Variants in LARP4 observed in about 807,000 individuals in gnomAD.
The protein encoded by LARP4 is La ribonucleoprotein 4, also known as la-related protein 4.
In LARP4, 29 loss-of-function variants were observed where a neutral mutation model predicts 92.9. The observed-to-expected ratio is 0.31, with a 90% CI of 0.23 to 0.43. LARP4 has a LOEUF of 0.43. LARP4 is among the 20% of genes least tolerant of loss of function. LARP4 has a pLI of 1.00. For missense variants in LARP4, 732 were observed against 860.0 expected, an observed-to-expected ratio of 0.85 and a Z score of 1.86; for synonymous variants, 279 against 284.1, an observed-to-expected ratio of 0.98 and a Z score of 0.18.
rs934221965 is a variant in LARP4, at chr12:50,412,330, G to A, written c.18+11302G>A. 5 of 493,556 alleles carry A rather than the reference G, an allele frequency of 1.0e-5. No individual in the cohort carries two copies. The African/African-American group carries it at 1.0e-4, about 10-fold the overall frequency. The allele number at this position is 493,556 out of a possible 1,614,324, so 30.6% of individuals were successfully genotyped here. A position where few individuals can be genotyped will look rare whatever the true frequency, so the allele number is the denominator to read the frequency against. On this transcript the variant is annotated intron_variant, in intron 1 of 15. Coordinates refer to ENST00000398473, the MANE Select transcript of LARP4 (RefSeq NM_052879.5). ...TAGTAGCCCTCTCAGTATTGGAGATGTAAAAATTGAACCTGGATGATTGAT... is the reference window on the plus strand; with the variant it reads ...TAGTAGCCCTCTCAGTATTGGAGATATAAAAATTGAACCTGGATGATTGAT...
chr12:50,402,509 GAAGA>G (rs1487223325), intron 1 of LARP4, among the ~76,000 whole-genome samples: 6 of 152,262 alleles, frequency 3.9e-5, no homozygotes, highest in Middle Eastern at 3.4e-3. Context: ...TTGCTGGGCA[GAAGA>G]AAGATTGTGA....
intron 7 of LARP4, among the ~76,000 whole-genome samples, chr12:50,440,757 G>T (rs1433404739): frequency 6.6e-6 from 1 of 152,024 alleles, no homozygotes; most frequent in Non-Finnish European, 1.5e-5. Context: ...GTTTTCTGTC[G>T]ATAAGAATAT....
At chr12:50,415,168 A>C (rs1436603090) in intron 1 of LARP4, among the ~76,000 whole-genome samples, 1 of 152,182 alleles carries the variant, frequency 6.6e-6, no homozygotes, top group Non-Finnish European at 1.5e-5. Context: ...GTGCCATTGC[A>C]TTACCAGCCT....
intron 5 of LARP4, among the ~76,000 whole-genome samples, chr12:50,436,602 G>A (rs963451212): frequency 1.1e-4 from 16 of 152,132 alleles, no homozygotes; most frequent in African/African-American, 3.6e-4. Context: ...GACAAATACT[G>A]CTCTGAAGTT....
At chr12:50,418,237 G>T (rs1033031680) in intron 1 of LARP4, among the ~76,000 whole-genome samples, 2 of 152,118 alleles carry the variant, frequency 1.3e-5, no homozygotes, top group Non-Finnish European at 1.5e-5. Context: ...CTGACCTCAA[G>T]TGGATCCACC....
At chr12:50,457,812 C>CAAAAA (rs10639447) in intron 10 of LARP4, among the ~76,000 whole-genome samples, 13 of 144,952 alleles carry the variant, frequency 9.0e-5, no homozygotes, top group East Asian at 2.0e-4. Context: ...AGACCTTTCT[C>CAAAAA]AAAAAAAAAA....
intron 8 of LARP4, among the ~76,000 whole-genome samples, chr12:50,442,592 T>G (rs983679216): frequency 1.3e-5 from 2 of 152,200 alleles, no homozygotes; most frequent in Non-Finnish European, 2.9e-5. Flanking sequence ...TGTGCTATAG[T>G]TATTCTTATT....
chr12:50,401,127 C>A, intron 1 of LARP4, 99 bp downstream of exon 1: 1 of 1,379,804 alleles, frequency 7.2e-7, no homozygotes, highest in Non-Finnish European at 1.0e-6. Flanking sequence ...GCCGTACACG[C>A]CGCGGAACCG....
intron 13 of LARP4, among the ~76,000 whole-genome samples, chr12:50,469,054 A>G (rs1956561209): frequency 6.6e-6 from 1 of 151,898 alleles, no homozygotes; most frequent in Non-Finnish European, 1.5e-5. Context: ...AGGGTGGTTC[A>G]TATCTTCCAT....
Position 50,479,651 on chromosome 12 carries a change from G to A in LARP4, c.*3787G>A, listed in dbSNP as rs1957757111. Reference sequence around the variant, plus strand: ...ATCTTCGAGTTGACAGTTCCTAAAAGCGTAACTCAGATATTAATGGGCTGT... The same window carrying A: ...ATCTTCGAGTTGACAGTTCCTAAAAACGTAACTCAGATATTAATGGGCTGT... On this transcript the variant is annotated 3_prime_UTR_variant, in exon 16 of 16. Coordinates refer to ENST00000398473, the MANE Select transcript of LARP4 (RefSeq NM_052879.5). 1 of 152,176 alleles carries A rather than the reference G, an allele frequency of 6.6e-6. No individual in the cohort carries two copies. 9.4% of individuals were successfully genotyped at this position (152,176 alleles called of 1,614,324 possible).
chr12:50,439,775 A>AT (rs916947293), intron 6 of LARP4, among the ~76,000 whole-genome samples: 45 of 148,862 alleles, frequency 3.0e-4, no homozygotes, highest in Middle Eastern at 3.5e-3. Context: ...TGTTCACTTA[A>AT]TTTTTTTTTT....
chr12:50,409,794 T>C (rs1436826287), intron 1 of LARP4, among the ~76,000 whole-genome samples: 1 of 150,710 alleles, frequency 6.6e-6, no homozygotes, highest in Non-Finnish European at 1.5e-5. Context: ...AAAAGAATTA[T>C]TATTATTATT....
chr12:50,453,649 A>G lies in LARP4; in HGVS notation c.994A>G (p.Thr332Ala), dbSNP rs375407142. 9.3e-6 allele frequency: 15 copies of G among 1,606,202 alleles called. No individual in the cohort carries two copies. The African/African-American group carries it at 1.6e-4, about 17-fold the overall frequency. Residue 332 changes from threonine to alanine, a missense_variant, in exon 9 of 16, where the codon ACA becomes GCA. Thr to Ala is a moderately conservative substitution (Grantham distance 58). Around this residue, in one of 7 missense-constraint regions of LARP4, gnomAD observed 264 missense variants for 269.5 expected, o/e 0.98. Transcript: ENST00000398473. ...IVPQSWSPNP[T>A]PYFETPLAPF... ...GCCTCAGTCTTGGTCTCCAAATCCT[A>G]CACCTTACTTTGAAACACCACTGGT...
intron 7 of LARP4, 88 bp downstream of exon 7, chr12:50,440,637 C>G (rs1429277179): frequency 2.3e-6 from 2 of 886,850 alleles, no homozygotes; most frequent in East Asian, 2.6e-5. Context: ...TGTGTTTACA[C>G]TGATGTTTAT....
In LARP4 at chr12:50,407,448, G is replaced by GT. The variant is rs1266983674; in HGVS notation, c.18+6428dup. Among the ~76,000 whole-genome samples, 4 of 152,014 alleles carry GT rather than the reference G, an allele frequency of 2.6e-5. No individual in the cohort carries two copies. The South Asian group carries it at 8.3e-4, about 31-fold the overall frequency. Reference sequence around the variant, plus strand: ...GTCAAACAATTTATAATTATTTAAAGTTTTTTTTATAGTTGGAGAGTATAC... The same window carrying GT: ...GTCAAACAATTTATAATTATTTAAAGTTTTTTTTTATAGTTGGAGAGTATAC... On this transcript the variant is annotated intron_variant, in intron 1 of 15. Coordinates refer to ENST00000398473, the MANE Select transcript of LARP4 (RefSeq NM_052879.5).
intron 8 of LARP4, among the ~76,000 whole-genome samples, chr12:50,446,298 G>A (rs945888662): frequency 5.7e-4 from 70 of 123,750 alleles, no homozygotes; most frequent in African/African-American, 1.8e-3. Flanking sequence ...GAGCCACCGC[G>A]CCTGACCAAT....
At chr12:50,401,068 G>A in intron 1 of LARP4, 40 bp downstream of exon 1, 1 of 1,612,876 alleles carries the variant, frequency 6.2e-7, no homozygotes, top group Non-Finnish European at 8.5e-7. Context: ...TCTTAGGAGA[G>A]CAGGAGTGTA....
At chr12:50,409,309 A>G (rs1945413976) in intron 1 of LARP4, among the ~76,000 whole-genome samples, 1 of 152,166 alleles carries the variant, frequency 6.6e-6, no homozygotes, top group Admixed American at 6.6e-5. Context: ...ATTGAGGACA[A>G]TAATATGGGA....
At chr12:50,419,658 G>A (rs1250586599) in intron 1 of LARP4, among the ~76,000 whole-genome samples, 1 of 152,148 alleles carries the variant, frequency 6.6e-6, no homozygotes, top group Non-Finnish European at 1.5e-5. Context: ...TATAATCCCA[G>A]CACTTTCGGA....
Sources: allele counts gnomAD v4.1 joint callset (sites outside exome capture counted in the v4.1 genomes callset), GRCh38; gene constraint gnomAD v4.1.1; regional missense constraint gnomAD v4.1.1; transcripts MANE v1.5; gene names NCBI Gene and HGNC (gene_info 2026-07-23, HGNC 2026-07-21).